SYTL2: variants seen among roughly 807,000 people sequenced by gnomAD.
SYTL2 encodes synaptotagmin like 2, also known as synaptotagmin-like protein 2.
SYTL2 carries 165 observed loss-of-function variants against 198.7 expected under a neutral mutation model. That is an observed-to-expected ratio of 0.83 (90% CI 0.73 to 0.94). The LOEUF (loss-of-function observed/expected upper bound fraction) is 0.94, where lower values mean the gene tolerates loss of function less well. Among genes scored for constraint, SYTL2 ranks in the 40% least tolerant of loss-of-function variants. The pLI, the probability that SYTL2 is intolerant of heterozygous loss-of-function variation, is 0.00. For missense variants in SYTL2, 2,835 were observed against 2,582.8 expected, an observed-to-expected ratio of 1.10 and a Z score of -2.12; for synonymous variants, 966 against 917.7, an observed-to-expected ratio of 1.05 and a Z score of -0.95.
chr11:85,766,344 A>T (rs1258678677), intron 1 of SYTL2, among the ~76,000 whole-genome samples: 2 of 152,220 alleles, frequency 1.3e-5, no homozygotes. Context: ...GATCTGAGGA[A>T]ATGGGCAGCT....
Position 85,778,042 on chromosome 11 carries a change from C to T in SYTL2, c.-389-19928G>A, listed in dbSNP as rs186759487. The stretch of plus-strand genomic sequence containing the variant: ...CCACGTTGGCCAGGCTGGTCTCCAA[C>T]GCCTGACCTCAGGTGATCTGCCCGC... On this transcript the variant is annotated intron_variant, in intron 1 of 19. Transcript: ENST00000359152. Among the ~76,000 whole-genome samples, 138 of 152,146 alleles carry T rather than the reference C, an allele frequency of 9.1e-4. 1 individual carries two copies. Among genetic ancestry groups the T allele is most frequent in the Middle Eastern group, 3.4e-3 (1 of 292 alleles).
At chr11:85,835,804 A>G in the SYTL2 span, among the ~76,000 whole-genome samples, 1 of 151,996 alleles carries the variant, frequency 6.6e-6, no homozygotes, top group Non-Finnish European at 1.5e-5. Context: ...AAAGCCTCCA[A>G]TCTCCTGCCT....
chr11:85,716,170 G>T (rs1199748537), intron 11 of SYTL2: 2 of 152,144 alleles, frequency 1.3e-5, no homozygotes, highest in African/African-American at 4.8e-5. Context: ...GTCTATGTGT[G>T]TTTTGCTTTT....
the SYTL2 span, among the ~76,000 whole-genome samples, chr11:85,837,173 G>C: frequency 6.6e-6 from 1 of 152,190 alleles, no homozygotes; most frequent in Admixed American, 6.5e-5. Context: ...TCCTCTTAGA[G>C]ACAGAATTGT....
chr11:85,727,956 G>A lies in SYTL2; in HGVS notation c.1402C>T (p.His468Tyr). 2 of 1,590,556 alleles carry A rather than the reference G, an allele frequency of 1.3e-6. No homozygotes were observed. Among genetic ancestry groups the A allele is most frequent in the Non-Finnish European group, 1.7e-6 (2 of 1,173,046 alleles). The change falls in exon 8 of 20, where the codon CAT (histidine) becomes TAT (tyrosine). Residue 468 changes from histidine to tyrosine, a missense_variant. This residue lies in a region of SYTL2 where 2,645 missense variants were observed against 2,381.7 expected (regional missense o/e 1.11). Coordinates refer to ENST00000359152, the MANE Select transcript of SYTL2 (RefSeq NM_206927.4). The stretch of plus-strand genomic sequence containing the variant: ...TGAGATGGCTCAGGCTCAACACAAT[G>A]AGACAGTTCATCTGCAACATAGAAA... ...LPRSPADELS[H>Y]CVEPEPSQVP...
chr11:85,731,528 C>T (rs992808038), intron 7 of SYTL2, among the ~76,000 whole-genome samples: 3 of 152,280 alleles, frequency 2.0e-5, no homozygotes, highest in African/African-American at 7.2e-5. Flanking sequence ...ACTGGCTAGC[C>T]ATACGCAGAA....
chr11:85,702,137 G>T (rs1054950597), intron 16 of SYTL2, among the ~76,000 whole-genome samples: 1 of 151,640 alleles, frequency 6.6e-6, no homozygotes, highest in Non-Finnish European at 1.5e-5. Context: ...TGTTAAAAAT[G>T]TATATTCTTG....
chr11:85,716,496 T>G (rs918098894), intron 11 of SYTL2: 3 of 152,204 alleles, frequency 2.0e-5, no homozygotes, highest in African/African-American at 7.2e-5. Flanking sequence ...CTTTTAGCCA[T>G]CAGCACATTG....
chr11:85,808,061 T>C (rs1225651961), intron 1 of SYTL2, among the ~76,000 whole-genome samples: 1 of 152,140 alleles, frequency 6.6e-6, no homozygotes, highest in Admixed American at 6.5e-5. Context: ...TGTATTTATA[T>C]CATTATTATT....
At chr11:85,809,657 T>C (rs924337153) in intron 1 of SYTL2, among the ~76,000 whole-genome samples, 1 of 152,176 alleles carries the variant, frequency 6.6e-6, no homozygotes, top group Non-Finnish European at 1.5e-5. Flanking sequence ...TAAAATAGGG[T>C]ATAGTACATC....
At chr11:85,802,373 C>A (rs956165905) in intron 1 of SYTL2, among the ~76,000 whole-genome samples, 2 of 152,026 alleles carry the variant, frequency 1.3e-5, no homozygotes, top group Non-Finnish European at 2.9e-5. Context: ...AGGTGCCCAC[C>A]ACCAGGCCCA....
At position 85,711,099 on chromosome 11, in the gene SYTL2, C is replaced by T; in HGVS notation, c.5745+14G>A. On this transcript the variant is annotated intron_variant, in intron 13 of 19. Coordinates refer to ENST00000359152, the MANE Select transcript of SYTL2 (RefSeq NM_206927.4). The stretch of plus-strand genomic sequence containing the variant: ...ACGCGGAGAGATATTAATATGGAGC[C>T]TTTGTTTACATACAGAAGACAAGGA... The T allele has an allele frequency of 6.2e-6, 10 of 1,613,300 alleles. No individual in the cohort carries two copies. Among genetic ancestry groups the T allele is most frequent in the Non-Finnish European group, 8.5e-6 (10 of 1,179,646 alleles).
chr11:85,753,290 C>T (rs190939242), intron 2 of SYTL2, among the ~76,000 whole-genome samples: 19 of 152,282 alleles, frequency 1.2e-4, no homozygotes, highest in Admixed American at 1.2e-3. Context: ...AGAATCCACC[C>T]TGATGTCTCC....
At chr11:85,822,319 C>A in the SYTL2 span, among the ~76,000 whole-genome samples, 1 of 152,234 alleles carries the variant, frequency 6.6e-6, no homozygotes, top group Admixed American at 6.5e-5. Context: ...CCCCTTGCAG[C>A]AAGGTACAGC....
chr11:85,697,641 C>T (rs375389228), intron 18 of SYTL2, among the ~76,000 whole-genome samples: 1 of 152,294 alleles, frequency 6.6e-6, no homozygotes, highest in East Asian at 1.9e-4. Context: ...TCTCCCTGCT[C>T]CATAAAGGAG....
At chr11:85,713,796 C>T (rs922134103) in intron 12 of SYTL2, among the ~76,000 whole-genome samples, 4 of 152,020 alleles carry the variant, frequency 2.6e-5, no homozygotes, top group South Asian at 2.1e-4. Flanking sequence ...TTCTTAAGAC[C>T]GTACAGTATA....
chr11:85,845,383 T>G, the SYTL2 span, among the ~76,000 whole-genome samples: 1 of 152,234 alleles, frequency 6.6e-6, no homozygotes, highest in Non-Finnish European at 1.5e-5. Context: ...AATAAATGAT[T>G]ATTATTGTCT....
chr11:85,833,715 T>A, the SYTL2 span, among the ~76,000 whole-genome samples: 1 of 149,652 alleles, frequency 6.7e-6, no homozygotes, highest in East Asian at 1.9e-4. Context: ...AAAGGACCTT[T>A]GAGTCGAAGA....
chr11:85,773,517 C>T (rs1260430856), intron 1 of SYTL2, among the ~76,000 whole-genome samples: 1 of 152,164 alleles, frequency 6.6e-6, no homozygotes, highest in Non-Finnish European at 1.5e-5. Flanking sequence ...GTCTCCTCCT[C>T]TTTGGTCTCA....
Sources: allele counts gnomAD v4.1 joint callset (sites outside exome capture counted in the v4.1 genomes callset), GRCh38; gene constraint gnomAD v4.1.1; regional missense constraint gnomAD v4.1.1; transcripts MANE v1.5; gene names NCBI Gene and HGNC (gene_info 2026-07-23, HGNC 2026-07-21).